Variants in CSRP3 observed in about 807,000 individuals in gnomAD.
The protein encoded by CSRP3 is cysteine and glycine-rich protein 3.
A neutral mutation model predicts 24.3 loss-of-function variants in CSRP3; 24 were observed. That is an observed-to-expected ratio of 0.99 (90% confidence interval 0.71 to 1.39). The LOEUF is 1.39. Among genes scored for constraint, CSRP3 ranks in the 40% most tolerant of loss-of-function variants. CSRP3 has a pLI of 0.00. For missense variants in CSRP3, 240 were observed against 249.0 expected, an observed-to-expected ratio of 0.96 and a Z score of 0.24; for synonymous variants, 105 against 94.0, an observed-to-expected ratio of 1.12 and a Z score of -0.68.
At chr11:19,186,483 G>T in intron 3 of CSRP3, 135 bp from the exon 4 acceptor site, 1 of 1,158,770 alleles carries the variant, frequency 8.6e-7, no homozygotes, top group Non-Finnish European at 1.3e-6. Flanking sequence ...TAATGATGGT[G>T]TCTTTCTCAT....
chr11:19,190,472 T>A (rs1161602426), intron 2 of CSRP3, among the ~76,000 whole-genome samples: 3 of 152,266 alleles, frequency 2.0e-5, no homozygotes, highest in Non-Finnish European at 4.4e-5. Context: ...TTTGGATATA[T>A]TGAGTTAAAT....
chr11:19,201,239 CA>C (rs1565057392), intron 1 of CSRP3, among the ~76,000 whole-genome samples: 1 of 152,222 alleles, frequency 6.6e-6, no homozygotes, highest in East Asian at 1.9e-4. Context: ...TAATATATTT[CA>C]ACATAGCAAT....
chr11:19,188,352 C>T, intron 2 of CSRP3, 48 bp from the exon 3 acceptor site: 1 of 1,601,324 alleles, frequency 6.2e-7, no homozygotes, highest in Non-Finnish European at 8.5e-7. Flanking sequence ...AATCCTTCTC[C>T]CCTTCTTTGC....
chr11:19,183,203 A>C (rs774979299), intron 5 of CSRP3, among the ~76,000 whole-genome samples: 1 of 152,174 alleles, frequency 6.6e-6, no homozygotes, highest in Non-Finnish European at 1.5e-5. Flanking sequence ...TAACTTTTTA[A>C]AATAAATTTA....
At chr11:19,186,671 G>A (rs923318247) in intron 3 of CSRP3, among the ~76,000 whole-genome samples, 2 of 152,174 alleles carry the variant, frequency 1.3e-5, no homozygotes, top group Non-Finnish European at 2.9e-5. Context: ...TTGTTGTTGT[G>A]TTGTTATTAC....
In CSRP3 at chr11:19,186,287, C is replaced by T. The variant is rs1318191330; in HGVS notation, c.343G>A (p.Gly115Arg). ...CATCGAGGGCACTTCTCGGACTCTC[C>T]AAACTTCGCAGTGAATTTGGAAGGG... ...SNPSKFTAKF[G>R]ESEKCPRCGK... Residue 115 changes from glycine (G) to arginine (R), a missense_variant, in exon 4 of 6, where the codon GGA becomes AGA. Gly to Arg is a moderately radical substitution (Grantham distance 125). Coordinates refer to ENST00000265968, the MANE Select transcript of CSRP3 (RefSeq NM_003476.5). The T allele has an allele frequency of 6.2e-7, 1 of 1,614,106 alleles. No homozygotes were observed. Among genetic ancestry groups the T allele is most frequent in the Non-Finnish European group, 8.5e-7 (1 of 1,180,050 alleles).
At chr11:19,192,018 A>G (rs1218858023) in intron 2 of CSRP3, among the ~76,000 whole-genome samples, 3 of 152,160 alleles carry the variant, frequency 2.0e-5, no homozygotes, top group Non-Finnish European at 2.9e-5. Context: ...GCCAAGTCAC[A>G]TGTTGTCAAT....
intron 1 of CSRP3, among the ~76,000 whole-genome samples, chr11:19,194,113 TAACAC>T (rs1850658578): frequency 6.6e-6 from 1 of 152,142 alleles, no homozygotes; most frequent in Admixed American, 6.5e-5. Flanking sequence ...AGTTGGCGAT[TAACAC>T]TAAGCCCTCC....
At chr11:19,192,308 G>A (rs752154978) in intron 2 of CSRP3, 29 bp downstream of exon 2, 6 of 1,554,276 alleles carry the variant, frequency 3.9e-6, no homozygotes, top group Non-Finnish European at 4.4e-6. Context: ...CGGATGCTGA[G>A]GGGCCCCCAG....
At chr11:19,185,644 C>T (rs747625930) in intron 4 of CSRP3, among the ~76,000 whole-genome samples, 1 of 152,214 alleles carries the variant, frequency 6.6e-6, no homozygotes, top group Non-Finnish European at 1.5e-5. Context: ...CACGGCCCTT[C>T]CTCCCACCAT....
intron 4 of CSRP3, among the ~76,000 whole-genome samples, chr11:19,185,457 C>T (rs1274275294): frequency 6.6e-6 from 1 of 152,214 alleles, no homozygotes; most frequent in Non-Finnish European, 1.5e-5. Context: ...TGTTTTAACT[C>T]TCTGGTTTAA....
intron 2 of CSRP3, among the ~76,000 whole-genome samples, chr11:19,189,037 A>C (rs957242114): frequency 6.6e-6 from 1 of 152,266 alleles, no homozygotes; most frequent in Non-Finnish European, 1.5e-5. Flanking sequence ...AAAATGTCAA[A>C]TATCTACTTA....
intron 2 of CSRP3, among the ~76,000 whole-genome samples, chr11:19,189,831 G>A (rs1850587080): frequency 6.6e-6 from 1 of 152,192 alleles, no homozygotes; most frequent in African/African-American, 2.4e-5. Flanking sequence ...GACTTTATAA[G>A]GCTTTAAACA....
At chr11:19,200,172 T>A (rs1394905735) in intron 1 of CSRP3, among the ~76,000 whole-genome samples, 2 of 152,224 alleles carry the variant, frequency 1.3e-5, no homozygotes, top group Non-Finnish European at 2.9e-5. Flanking sequence ...TATTAAACTT[T>A]ACAAAAGTAC....
chr11:19,193,419 A>G (rs1284164042), intron 1 of CSRP3, among the ~76,000 whole-genome samples: 1 of 152,238 alleles, frequency 6.6e-6, no homozygotes, highest in Admixed American at 6.5e-5. Flanking sequence ...ACATTCAGCT[A>G]CAAGGAGCTG....
chr11:19,186,233 CCTT>C lies in CSRP3; in HGVS notation c.394_396del (p.Lys132del). The C allele has an allele frequency of 6.2e-7, 1 of 1,614,202 alleles. No individual in the cohort carries two copies. The highest frequency in any genetic ancestry group is 8.5e-7 in the Non-Finnish European group (1 of 1,180,030). ...GGTCTTACCTTGCCACCTCCCATAA[CCTT>C]CTCAGCAGCATAGACTGACTTGCCA... On this transcript the variant is annotated inframe_deletion, in exon 4 of 6. Coordinates refer to ENST00000265968, the MANE Select transcript of CSRP3 (RefSeq NM_003476.5).
At chr11:19,195,434 G>T (rs1850685128) in intron 1 of CSRP3, among the ~76,000 whole-genome samples, 1 of 152,100 alleles carries the variant, frequency 6.6e-6, no homozygotes, top group African/African-American at 2.4e-5. Flanking sequence ...TTCTAGAAAA[G>T]AATAGACTCA....
intron 1 of CSRP3, among the ~76,000 whole-genome samples, chr11:19,197,567 C>CTTTT (rs1205826214): frequency 8.1e-6 from 1 of 123,050 alleles, no homozygotes; most frequent in African/African-American, 3.2e-5. Flanking sequence ...TTCTTTCTTT[C>CTTTT]TTTCTTTCTT....
chr11:19,188,414 C>A, intron 2 of CSRP3, 110 bp from the exon 3 acceptor site: 1 of 1,080,108 alleles, frequency 9.3e-7, no homozygotes, highest in Non-Finnish European at 1.4e-6. Context: ...GGCCCCTGAG[C>A]CAAGAATACA....
Sources: gnomAD v4.1 joint callset for allele counts (sites outside exome capture counted in the v4.1 genomes callset) on GRCh38, gnomAD v4.1.1 for gene constraint, MANE v1.5 for transcripts, NCBI Gene and HGNC (gene_info 2026-07-23, HGNC 2026-07-21) for gene names.